Variants in VCP observed in about 807,000 individuals in gnomAD.
VCP encodes the protein transitional endoplasmic reticulum ATPase.
Under a neutral mutation model 85.7 loss-of-function variants are expected in VCP, and 6 were observed. That is an observed-to-expected ratio of 0.07 (90% CI 0.04 to 0.14). VCP has a LOEUF of 0.14. Ranked by LOEUF, VCP falls within the 10% of genes least tolerant of loss-of-function variation. The pLI, the probability that VCP is intolerant of heterozygous loss-of-function variation, is 1.00. For missense variants in VCP, 353 were observed against 1,043.4 expected (o/e 0.34, Z 9.12); for synonymous variants, 384 against 367.1 (o/e 1.05, Z -0.53).
intron 5 of VCP, 77 bp downstream of exon 5, chr9:35,065,174 C>T (rs1167738143): frequency 1.2e-6 from 2 of 1,608,994 alleles, no homozygotes; most frequent in East Asian, 4.5e-5. Flanking sequence ...GGCCGAGCAC[C>T]CAGTCCTGAC....
At chr9:35,065,893 G>A (rs1048886049) in intron 4 of VCP, among the ~76,000 whole-genome samples, 4 of 152,076 alleles carry the variant, frequency 2.6e-5, no homozygotes, top group African/African-American at 9.7e-5. Context: ...CTAGCGGCCG[G>A]GCACAGTGGC....
At chr9:35,062,781 G>A (rs1249454017) in intron 7 of VCP, among the ~76,000 whole-genome samples, 197 bp downstream of exon 7, 1 of 152,094 alleles carries the variant, frequency 6.6e-6, no homozygotes, top group African/African-American at 2.4e-5. Flanking sequence ...TTCTCAAAGG[G>A]GGCAGGACAG....
intron 5 of VCP, 73 bp downstream of exon 5, chr9:35,065,178 T>C: frequency 6.2e-7 from 1 of 1,610,382 alleles, no homozygotes; most frequent in Non-Finnish European, 8.5e-7. Context: ...GAGCACCCAG[T>C]CCTGACAGTT....
intron 2 of VCP, 62 bp downstream of exon 2, chr9:35,068,189 A>G: frequency 6.2e-7 from 1 of 1,607,440 alleles, no homozygotes; most frequent in Non-Finnish European, 8.5e-7. Flanking sequence ...TGAGAAAAGA[A>G]ACCTGGGAAA....
intron 1 of VCP, chr9:35,071,958 G>A (rs1416950390): frequency 3.6e-5 from 38 of 1,065,806 alleles, no homozygotes; most frequent in Non-Finnish European, 4.2e-5. Flanking sequence ...TTCGGCGGGT[G>A]GTAGGCCGGA....
chr9:35,066,648 A>C (rs769766010), intron 4 of VCP, 27 bp downstream of exon 4: 38 of 1,613,516 alleles, frequency 2.4e-5, no homozygotes, highest in Non-Finnish European at 3.0e-5. Context: ...ACAGTCAATA[A>C]TCCTTAAGCT....
intron 3 of VCP, among the ~76,000 whole-genome samples, chr9:35,067,592 C>G (rs184248829): frequency 1.3e-5 from 2 of 152,200 alleles, no homozygotes; most frequent in East Asian, 3.9e-4. Context: ...CGAGTGGTAT[C>G]CTAAGCCAGG....
In VCP at chr9:35,067,880, C is replaced by G; in HGVS notation, c.302+11G>C. Reference sequence around the variant, plus strand: ...CTCCCATCCCTGTGAAGCCAAAAACCCCACACACACCTGATGACATCCCCT... The same window carrying G: ...CTCCCATCCCTGTGAAGCCAAAAACGCCACACACACCTGATGACATCCCCT... On this transcript the variant is annotated intron_variant, in intron 3 of 16. Transcript: ENST00000358901. The G allele has an allele frequency of 6.8e-6, 11 of 1,614,186 alleles. No individual in the cohort carries two copies. Among genetic ancestry groups the G allele is most frequent in the Non-Finnish European group, 7.6e-6 (9 of 1,180,038 alleles).
rs1416593833 is a variant in VCP at position 35,068,344 on chromosome 9, T to C, written c.36A>G (p.Leu12=). ...ASGADSKGDD[L]STAILKQKNR... is the part of the protein sequence containing the mutation. ...TCTTCTGTTTGAGAATGGCTGTTGA[T>C]AGGTCATCACCTTTTGAACTAGAAG... Residue 12 remains leucine, a synonymous_variant, in exon 2 of 17, where the codon CTA becomes CTG. Coordinates refer to ENST00000358901, the MANE Select transcript of VCP (RefSeq NM_007126.5). 1.9e-6 allele frequency: 3 copies of C among 1,614,196 alleles called. No individual in the cohort carries two copies. The highest frequency in any genetic ancestry group is 1.1e-5 in the South Asian group (1 of 91,082).
intron 5 of VCP, 151 bp from the exon 6 acceptor site, chr9:35,064,436 A>AAAGT: frequency 9.4e-7 from 1 of 1,066,046 alleles, no homozygotes; most frequent in Non-Finnish European, 1.4e-6. Context: ...CTGTAATCCC[A>AAAGT]GCACTTTGGG....
At chr9:35,070,289 C>T (rs1207380951) in intron 1 of VCP, among the ~76,000 whole-genome samples, 1 of 152,110 alleles carries the variant, frequency 6.6e-6, no homozygotes, top group African/African-American at 2.4e-5. Flanking sequence ...CAAGCATGCT[C>T]AATGTGACAG....
At chr9:35,072,205 C>T in intron 1 of VCP, 132 bp downstream of exon 1, 1 of 1,444,952 alleles carries the variant, frequency 6.9e-7, no homozygotes, top group South Asian at 1.3e-5. Context: ...TCACTCGCCC[C>T]CTAGCTTCCC....
In VCP at chr9:35,059,226, G is replaced by A. The variant is rs914286524; in HGVS notation, c.2005-7C>T. 6.2e-7 allele frequency: 1 copy of A among 1,614,168 alleles called. No individual in the cohort carries two copies. The highest frequency in any genetic ancestry group is 1.3e-5 in the African/African-American group (1 of 75,056). On this transcript the variant is annotated splice_region_variant and splice_polypyrimidine_tract_variant and intron_variant, in intron 14 of 16. Coordinates refer to ENST00000358901, the MANE Select transcript of VCP (RefSeq NM_007126.5). This position sits in a 1 kb window ranked among gnomAD's most constrained non-coding sequence, Gnocchi z 4.9. ...GGAACTCCAAGTCCACATCCTAAAA[G>A]CAGCAGCAGAGGTACCTTAGCATTT...
rs1828865391 is a variant in VCP at position 35,067,931 on chromosome 9, C to T, written c.262G>A (p.Val88Ile). Residue 88 changes from valine to isoleucine, a missense_variant, in exon 3 of 17, where the codon GTT (valine) becomes ATT (isoleucine). By Grantham distance (29) the Val-to-Ile change is conservative (BLOSUM62 3). Transcript: ENST00000358901. ...SDEKIRMNRV[V>I]RNNLRVRLGD... ...AGGCGTACACGAAGGTTATTCCGAACAACTCTATTCATCCGAATCTTCTCA... is the reference window on the plus strand; with the variant it reads ...AGGCGTACACGAAGGTTATTCCGAATAACTCTATTCATCCGAATCTTCTCA... 2 of 1,614,248 alleles carry T rather than the reference C, an allele frequency of 1.2e-6. No individual in the cohort carries two copies. The highest frequency in any genetic ancestry group is 2.2e-5 in the East Asian group (1 of 44,894).
At chr9:35,063,116 C>A in intron 6 of VCP, 36 bp from the exon 7 acceptor site, 1 of 1,604,826 alleles carries the variant, frequency 6.2e-7, no homozygotes, top group Non-Finnish European at 8.5e-7. Context: ...AGGTTCCCAC[C>A]TTCTCCCAAA....
At chr9:35,066,582 T>TAAA (rs35504855) in intron 4 of VCP, 93 bp downstream of exon 4, 280 of 1,228,330 alleles carry the variant, frequency 2.3e-4, no homozygotes, top group Non-Finnish European at 2.6e-4. Flanking sequence ...ATAAAAGATT[T>TAAA]AAAAAAAAAA....
At chr9:35,057,631 C>A in intron 15 of VCP, 101 bp from the exon 16 acceptor site, 1 of 1,493,104 alleles carries the variant, frequency 6.7e-7, no homozygotes, top group Non-Finnish European at 9.2e-7. Flanking sequence ...CTTGCCCTTC[C>A]AATCCAACCT....
At chr9:35,058,766 C>CA (rs1360738928) in intron 15 of VCP, among the ~76,000 whole-genome samples, 100 of 144,946 alleles carry the variant, frequency 6.9e-4, no homozygotes, top group East Asian at 1.0e-3. Context: ...GACTTCGTCT[C>CA]AAAAAAAAAA....
chr9:35,068,765 G>T (rs1828883275), intron 1 of VCP, among the ~76,000 whole-genome samples: 1 of 152,148 alleles, frequency 6.6e-6, no homozygotes, highest in African/African-American at 2.4e-5. Flanking sequence ...TTCCAATTAT[G>T]CCACTGCTTA....
Sources: gnomAD v4.1 joint callset for allele counts (sites outside exome capture counted in the v4.1 genomes callset) on GRCh38, gnomAD v4.1.1 for gene constraint, Gnocchi (gnomAD v3.1) non-coding constraint, MANE v1.5 for transcripts, NCBI Gene and HGNC (gene_info 2026-07-23, HGNC 2026-07-21) for gene names.